The following FRYL variants were observed in gnomAD, a reference collection of about 807,000 sequenced individuals.
FRYL encodes the protein protein furry homolog-like.
FRYL carries 150 observed loss-of-function variants against 351.2 expected under a neutral mutation model. The ratio of observed to expected loss-of-function variants is 0.43; its 90% CI spans 0.37 to 0.49. The LOEUF (loss-of-function observed/expected upper bound fraction) is 0.49, where lower values mean the gene tolerates loss of function less well. Among genes scored for constraint, FRYL ranks in the 20% least tolerant of loss-of-function variants. FRYL has a pLI of 0.00. For missense variants in FRYL, 3,036 were observed against 3,619.3 expected, an observed-to-expected ratio of 0.84 and a Z score of 4.13; for synonymous variants, 1,153 against 1,257.1, an observed-to-expected ratio of 0.92 and a Z score of 1.75.
At chr4:48,710,743 T>C (rs1314706121) in intron 1 of FRYL, 45 bp from the exon 2 acceptor site, 1 of 396,276 alleles carries the variant, frequency 2.5e-6, no homozygotes, top group Non-Finnish European at 4.4e-6. Context: ...CTAACAGCCA[T>C]GCTTACAACA....
rs73144676 is a variant in FRYL at position 48,523,788 on chromosome 4, C to T, written c.7318-684G>A. 2.4e-3 allele frequency among the ~76,000 whole-genome samples: 360 copies of T among 152,240 alleles called. 1 individual carries two copies. The highest frequency in any genetic ancestry group is 8.4e-3 in the African/African-American group (350 of 41,548). On this transcript the variant is annotated intron_variant, in intron 53 of 63. Transcript: ENST00000358350. ...ATTTACAAAGGTTTAATACTTAGTACAATGCAAAAACTGACTTTAAATACC... is the reference window on the plus strand; with the variant it reads ...ATTTACAAAGGTTTAATACTTAGTATAATGCAAAAACTGACTTTAAATACC...
chr4:48,623,106 T>TA lies in FRYL; in HGVS notation c.174+19_174+20insT. On this transcript the variant is annotated intron_variant, in intron 5 of 63. Coordinates refer to ENST00000358350, the MANE Select transcript of FRYL (RefSeq NM_015030.2). ...ACACTATTTCCAGGGGAAAAAAAAATTCTCCCAAAATTGTCATACCTGATC... is the reference window on the plus strand; with the variant it reads ...ACACTATTTCCAGGGGAAAAAAAAATATCTCCCAAAATTGTCATACCTGATC... 6.5e-7 allele frequency: 1 copy of TA among 1,547,910 alleles called. No homozygotes were observed. Among genetic ancestry groups the TA allele is most frequent in the Admixed American group, 1.9e-5 (1 of 53,440 alleles).
At chr4:48,757,639 C>A (rs1182140814) in intron 1 of FRYL, among the ~76,000 whole-genome samples, 1 of 152,120 alleles carries the variant, frequency 6.6e-6, no homozygotes. Flanking sequence ...TAGGAAGAAT[C>A]AATATCGTGA....
At chr4:48,640,995 A>C (rs1755205327) in intron 3 of FRYL, among the ~76,000 whole-genome samples, 1 of 152,188 alleles carries the variant, frequency 6.6e-6, no homozygotes, top group South Asian at 2.1e-4. Flanking sequence ...AAAAACACTA[A>C]TCAGCTTATA....
chr4:48,605,445 T>C lies in FRYL; in HGVS notation c.834+296A>G, dbSNP rs149461697. ...ATTTCTTCATTTTTGAGATTTTAAT[T>C]AGAATAAAATCTGAACAAAAAGAAT... On this transcript the variant is annotated intron_variant, in intron 11 of 63. Transcript: ENST00000358350. Among the ~76,000 whole-genome samples the C allele has an allele frequency of 3.0e-3, 457 of 152,312 alleles. 4 individuals are homozygous for C. Among genetic ancestry groups the C allele is most frequent in the Non-Finnish European group, 4.9e-3 (334 of 68,026 alleles).
chr4:48,532,917 G>A (rs959073049), intron 49 of FRYL, among the ~76,000 whole-genome samples: 6 of 152,094 alleles, frequency 3.9e-5, no homozygotes, highest in South Asian at 2.1e-4. Context: ...ATATGATCTT[G>A]ATTCACACAT....
rs1284726746 is a variant in FRYL, at chr4:48,710,708, T to TA, written c.-383-11dup. ...TATGGAATGTTCTAGGCTGGAAGAT[T>TA]AAAAAATAGGAAATATGGTCATCAC... On this transcript the variant is annotated splice_polypyrimidine_tract_variant and intron_variant, in intron 1 of 63. Transcript: ENST00000358350. 8 of 397,266 alleles carry TA rather than the reference T, an allele frequency of 2.0e-5. No homozygotes were observed. Among genetic ancestry groups the TA allele is most frequent in the Non-Finnish European group, 3.5e-5 (8 of 225,668 alleles). The allele number at this position is 397,266 out of a possible 1,614,324, so 24.6% of individuals were successfully genotyped here. A position where few individuals can be genotyped will look rare whatever the true frequency, so the allele number is the denominator to read the frequency against.
At chr4:48,686,130 A>G (rs1765131934) in intron 2 of FRYL, among the ~76,000 whole-genome samples, 1 of 152,216 alleles carries the variant, frequency 6.6e-6, no homozygotes, top group Non-Finnish European at 1.5e-5. Flanking sequence ...AACCAGTTGC[A>G]TATTAGTTTT....
chr4:48,711,145 A>G (rs1381215477), intron 1 of FRYL, among the ~76,000 whole-genome samples: 1 of 152,222 alleles, frequency 6.6e-6, no homozygotes, highest in Non-Finnish European at 1.5e-5. Flanking sequence ...GACACAGAAG[A>G]CGGGTGATTT....
At chr4:48,710,412 TG>T (rs11340508) in intron 2 of FRYL, 106 bp downstream of exon 2, 182,606 of 397,250 alleles carry the variant, frequency 0.46, 44,299 homozygotes, top group East Asian at 0.59. Flanking sequence ...CTGATGTTTT[TG>T]CCACTTTTAG....
At chr4:48,560,102 G>T (rs1735131417) in intron 33 of FRYL, among the ~76,000 whole-genome samples, 1 of 152,128 alleles carries the variant, frequency 6.6e-6, no homozygotes, top group Non-Finnish European at 1.5e-5. Context: ...AGGAGCAGGT[G>T]TGAAGGAGGG....
At chr4:48,552,921 G>C (rs1690586381) in intron 36 of FRYL, among the ~76,000 whole-genome samples, 1 of 151,844 alleles carries the variant, frequency 6.6e-6, no homozygotes, top group Admixed American at 6.6e-5. Context: ...CTTCTATTAG[G>C]AACATAGTTT....
chr4:48,521,328 C>A, intron 54 of FRYL, 113 bp from the exon 55 acceptor site: 1 of 733,996 alleles, frequency 1.4e-6, no homozygotes, highest in Non-Finnish European at 2.2e-6. Flanking sequence ...TCTGAGATTT[C>A]CTAAAATCAT....
intron 12 of FRYL, 138 bp downstream of exon 12, chr4:48,603,152 T>C: frequency 1.5e-6 from 1 of 666,534 alleles, no homozygotes; most frequent in Non-Finnish European, 2.7e-6. Context: ...CATACGTATG[T>C]AAAACTTGCC....
At chr4:48,521,842 T>C (rs1236150623) in intron 54 of FRYL, among the ~76,000 whole-genome samples, 5 of 151,904 alleles carry the variant, frequency 3.3e-5, no homozygotes, top group African/African-American at 9.7e-5. Context: ...GGGGCACCAA[T>C]GAGATGTAAA....
At chr4:48,576,689 G>A (rs1476090704) in intron 23 of FRYL, among the ~76,000 whole-genome samples, 1 of 151,798 alleles carries the variant, frequency 6.6e-6, no homozygotes, top group African/African-American at 2.4e-5. Flanking sequence ...ATAAAGTAAT[G>A]GATTAAAAAT....
rs1217993751 is a variant in FRYL, at chr4:48,659,524, G to GAA, written c.-80-25035_-80-25034insTT. Among the ~76,000 whole-genome samples, 3 of 1,286 alleles carry GAA rather than the reference G, an allele frequency of 2.3e-3. 1 individual carries two copies. Among genetic ancestry groups the GAA allele is most frequent in the African/African-American group, 2.5e-3 (3 of 1,224 alleles). The allele number at this position is 1,286 out of a possible 152,430, so 0.8% of individuals were successfully genotyped here. On this transcript the variant is annotated intron_variant, in intron 3 of 63. Coordinates refer to ENST00000358350, the MANE Select transcript of FRYL (RefSeq NM_015030.2). ...GGGAGAAGAAGAAGAGGGAGAAGAG[G>GAA]GAGAAGGAGAAGAGGGAGAAGGAGA...
chr4:48,512,590 G>A lies in FRYL; in HGVS notation c.8036C>T (p.Ala2679Val). 1.2e-6 allele frequency: 2 copies of A among 1,613,920 alleles called. No individual in the cohort carries two copies. Among genetic ancestry groups the A allele is most frequent in the Non-Finnish European group, 8.5e-7 (1 of 1,179,850 alleles). ...SAIIAAFQPV[A>V]YDDEEEAWRC... ...CCAGGCTTCCTCTTCATCATCATAT[G>A]CCACGGGCTGAAAGGCGGCTATGAT... The change falls in exon 57 of 64, where the codon GCA becomes GTA. Residue 2679 changes from alanine to valine, a missense_variant. This residue lies in a region of FRYL where 1,987 missense variants were observed against 2,311.7 expected (regional missense o/e 0.86). Coordinates refer to ENST00000358350, the MANE Select transcript of FRYL (RefSeq NM_015030.2).
At chr4:48,596,695 T>C (rs1327198433) in intron 13 of FRYL, among the ~76,000 whole-genome samples, 2 of 152,156 alleles carry the variant, frequency 1.3e-5, no homozygotes, top group African/African-American at 4.8e-5. Context: ...AGTGTTATAA[T>C]TTTTATTTAG....
Sources: gnomAD v4.1 joint callset for allele counts (sites outside exome capture counted in the v4.1 genomes callset) on GRCh38, gnomAD v4.1.1 for gene constraint, gnomAD v4.1.1 regional missense constraint, MANE v1.5 for transcripts, NCBI Gene and HGNC (gene_info 2026-07-23, HGNC 2026-07-21) for gene names.